Variants in CSMD1 observed in about 807,000 individuals in gnomAD.
CSMD1 encodes the protein CUB and sushi domain-containing protein 1.
A neutral mutation model predicts 417.5 loss-of-function variants in CSMD1; 213 were observed. That is an observed-to-expected ratio of 0.51 (90% confidence interval 0.46 to 0.57). The LOEUF (loss-of-function observed/expected upper bound fraction) is 0.57. Among genes scored for constraint, CSMD1 ranks in the 20% least tolerant of loss-of-function variants. The pLI, the probability that CSMD1 is intolerant of heterozygous loss-of-function variation, is 0.00. For synonymous variants in CSMD1, 2,862 were observed against 1,736.8 expected (o/e 1.65, Z -16.11); for missense variants, 6,923 against 4,529.7 (o/e 1.53, Z -15.17).
intron 7 of CSMD1, among the ~76,000 whole-genome samples, chr8:3,631,949 A>C (rs1218269510): frequency 6.6e-6 from 1 of 152,226 alleles, no homozygotes; most frequent in Non-Finnish European, 1.5e-5. Flanking sequence ...TATGTTAACA[A>C]ATTTCAACAT....
chr8:3,635,484 T>TTTTTCTCTCTC (rs1491145100), intron 7 of CSMD1, among the ~76,000 whole-genome samples: 1 of 95,532 alleles, frequency 1.0e-5, no homozygotes, highest in East Asian at 3.0e-4. Flanking sequence ...ACTCCATCTC[T>TTTTTCTCTCTC]TTTTTTTTTT....
intron 1 of CSMD1, among the ~76,000 whole-genome samples, chr8:4,964,649 A>C (rs901020601): frequency 9.2e-5 from 14 of 152,060 alleles, no homozygotes; most frequent in African/African-American, 3.4e-4. Context: ...CATTTTTCTA[A>C]CACTCTTTAA....
chr8:3,581,454 T>C (rs1017194532), intron 9 of CSMD1, among the ~76,000 whole-genome samples: 1 of 152,232 alleles, frequency 6.6e-6, no homozygotes, highest in East Asian at 1.9e-4. Context: ...AATTAGCTAA[T>C]GTAAGCATTG....
intron 1 of CSMD1, among the ~76,000 whole-genome samples, chr8:4,937,097 C>T (rs2117217874): frequency 6.6e-6 from 1 of 152,260 alleles, no homozygotes; most frequent in Non-Finnish European, 1.5e-5. Flanking sequence ...CCTGTAGTCC[C>T]AGCTATCCAG....
chr8:4,281,908 G>A (rs1319929906), intron 3 of CSMD1, among the ~76,000 whole-genome samples: 1 of 152,188 alleles, frequency 6.6e-6, no homozygotes, highest in Non-Finnish European at 1.5e-5. Flanking sequence ...TAAAGGTTAA[G>A]TGACGTTTTG....
At chr8:4,468,919 G>A (rs1027647151) in intron 2 of CSMD1, among the ~76,000 whole-genome samples, 4 of 150,362 alleles carry the variant, frequency 2.7e-5, no homozygotes, top group South Asian at 2.1e-4. Context: ...AAGGAATGCT[G>A]GAAACAAGCT....
intron 26 of CSMD1, among the ~76,000 whole-genome samples, chr8:3,268,783 C>G (rs1346536967): frequency 2.0e-5 from 3 of 152,164 alleles, no homozygotes. Flanking sequence ...GAGTTTGAGA[C>G]TTATCAGAAA....
rs112266511 is a variant in CSMD1, at chr8:4,041,434, C to A, written c.416-9335G>T. Among the ~76,000 whole-genome samples, 298 of 152,266 alleles carry A rather than the reference C, an allele frequency of 2.0e-3. 1 individual carries two copies. Among genetic ancestry groups the A allele is most frequent in the Middle Eastern group, 6.8e-3 (2 of 294 alleles). ...CTACTACGAAAAAAGCAACTTCTTT[C>A]GTGCCTCAACCTACATCCAGCCTTA... On this transcript the variant is annotated intron_variant, in intron 3 of 69. Transcript: ENST00000635120.
chr8:3,264,843 G>C (rs978697988), intron 26 of CSMD1, among the ~76,000 whole-genome samples: 5 of 145,950 alleles, frequency 3.4e-5, no homozygotes, highest in African/African-American at 1.3e-4. Flanking sequence ...GATACTATAT[G>C]TGTGGGTGGG....
intron 1 of CSMD1, among the ~76,000 whole-genome samples, chr8:4,931,745 G>C (rs1807263897): frequency 6.6e-6 from 1 of 152,208 alleles, no homozygotes; most frequent in Non-Finnish European, 1.5e-5. Context: ...CCTCACATAA[G>C]CAATTTGGAG....
intron 3 of CSMD1, among the ~76,000 whole-genome samples, chr8:4,188,424 C>T (rs1042876798): frequency 6.6e-6 from 1 of 152,084 alleles, no homozygotes; most frequent in Non-Finnish European, 1.5e-5. Flanking sequence ...ATTATTTCGG[C>T]AGATACAAGT....
At chr8:4,928,073 CCTCT>C (rs751230221) in intron 1 of CSMD1, among the ~76,000 whole-genome samples, 28 of 152,182 alleles carry the variant, frequency 1.8e-4, no homozygotes, top group Non-Finnish European at 3.7e-4. Context: ...GCTCCTGTGG[CCTCT>C]CTGAGCTCCA....
chr8:3,960,156 G>T (rs750462715), intron 5 of CSMD1, among the ~76,000 whole-genome samples: 1 of 152,094 alleles, frequency 6.6e-6, no homozygotes, highest in African/African-American at 2.4e-5. Flanking sequence ...ATTTTTTACA[G>T]CGTATCTTCT....
chr8:3,993,509 G>C (rs1363562350), intron 5 of CSMD1, among the ~76,000 whole-genome samples: 1 of 152,160 alleles, frequency 6.6e-6, no homozygotes, highest in Admixed American at 6.5e-5. Context: ...ACTTTAGCCA[G>C]TCACCAATTA....
chr8:4,446,112 A>C (rs17070327), intron 2 of CSMD1, among the ~76,000 whole-genome samples: 1 of 152,116 alleles, frequency 6.6e-6, no homozygotes, highest in Non-Finnish European at 1.5e-5. Context: ...GCAAGTTGTG[A>C]TTTTGTTGTT....
intron 25 of CSMD1, among the ~76,000 whole-genome samples, chr8:3,301,271 G>T (rs1181599006): frequency 1.3e-5 from 2 of 152,056 alleles, no homozygotes; most frequent in Non-Finnish European, 2.9e-5. Context: ...GTGGAAACCT[G>T]GTGAGTTAGG....
chr8:4,583,061 C>T (rs1222848879), intron 2 of CSMD1, among the ~76,000 whole-genome samples: 1 of 152,210 alleles, frequency 6.6e-6, no homozygotes, highest in Non-Finnish European at 1.5e-5. Context: ...TAGCTGCCTT[C>T]CCGCGGGGCA....
chr8:4,490,429 T>A (rs1801642623), intron 2 of CSMD1, among the ~76,000 whole-genome samples: 1 of 152,242 alleles, frequency 6.6e-6, no homozygotes, highest in Non-Finnish European at 1.5e-5. Context: ...TCCTATCTAC[T>A]ATTGGTTTTA....
At chr8:3,634,634 A>G (rs1379839913) in intron 7 of CSMD1, among the ~76,000 whole-genome samples, 1 of 152,122 alleles carries the variant, frequency 6.6e-6, no homozygotes, top group Non-Finnish European at 1.5e-5. Flanking sequence ...CAAATTACTT[A>G]ACTCGAGAGT....
Sources: allele counts gnomAD v4.1 joint callset (sites outside exome capture counted in the v4.1 genomes callset), GRCh38; gene constraint gnomAD v4.1.1; transcripts MANE v1.5; gene names NCBI Gene and HGNC (gene_info 2026-07-23, HGNC 2026-07-21).